The following NEB variants were observed in gnomAD, a reference collection of about 807,000 sequenced individuals.
NEB encodes the protein nebulin, also known as nemaline myopathy type 2.
Under a neutral mutation model 952.2 loss-of-function variants are expected in NEB, and 512 were observed. That is an observed-to-expected ratio of 0.54 (90% CI 0.50 to 0.58). NEB has a LOEUF of 0.58. Among genes scored for constraint, NEB ranks in the 20% least tolerant of loss-of-function variants. NEB has a pLI of 0.00. For synonymous variants in NEB, 2,900 were observed against 3,149.8 expected (o/e 0.92, Z 2.66); for missense variants, 8,428 against 9,231.1 (o/e 0.91, Z 3.56).
intron 154 of NEB, among the ~76,000 whole-genome samples, chr2:151,519,302 A>G (rs1281862509): frequency 6.6e-6 from 1 of 152,252 alleles, no homozygotes; most frequent in Non-Finnish European, 1.5e-5. Flanking sequence ...CCATAAAAGG[A>G]ATGAAGTTCT....
chr2:151,612,754 G>A (rs765959368), intron 77 of NEB, among the ~76,000 whole-genome samples: 2 of 152,214 alleles, frequency 1.3e-5, no homozygotes, highest in Non-Finnish European at 2.9e-5. Context: ...TGGCTCCTAT[G>A]TTGTTAGGCA....
chr2:151,612,496 G>T, intron 77 of NEB, 107 bp from the exon 78 acceptor site: 1 of 1,135,058 alleles, frequency 8.8e-7, no homozygotes, highest in South Asian at 1.5e-5. Flanking sequence ...TCTTATTTGT[G>T]TAAATTTCTG....
intron 3 of NEB, 82 bp from the exon 4 acceptor site, chr2:151,729,738 G>T: frequency 1.5e-6 from 2 of 1,370,150 alleles, no homozygotes; most frequent in South Asian, 2.3e-5. Context: ...CCACTTAGGT[G>T]ACTGCACTAG....
intron 160 of NEB, among the ~76,000 whole-genome samples, chr2:151,513,105 C>T (rs930466787): frequency 6.6e-6 from 1 of 152,104 alleles, no homozygotes; most frequent in Non-Finnish European, 1.5e-5. Context: ...GATAGTAAGG[C>T]ATGGATTGTT....
intron 39 of NEB, among the ~76,000 whole-genome samples, chr2:151,668,421 T>C (rs2099246889): frequency 6.6e-6 from 1 of 152,188 alleles, no homozygotes; most frequent in Admixed American, 6.5e-5. Context: ...CAGGAATGTA[T>C]AGTTGGATAT....
chr2:151,503,216 T>G, intron 166 of NEB, 133 bp downstream of exon 166: 1 of 666,710 alleles, frequency 1.5e-6, no homozygotes, highest in Non-Finnish European at 2.6e-6. Context: ...ATAATTTTGG[T>G]CAGGTAATAA....
chr2:151,570,579 T>C lies in NEB; in HGVS notation c.17036A>G (p.Asp5679Gly), dbSNP rs201734774. 1 of 1,601,442 alleles carries C rather than the reference T, an allele frequency of 6.2e-7. No individual in the cohort carries two copies. The highest frequency in any genetic ancestry group is 1.3e-5 in the African/African-American group (1 of 74,638). ...GACATCACAGCCCGCCTTCATTTCA[T>C]CCCAGCCCTCACGGTAAAGTTTCTG... The part of the protein sequence containing the change: ...VSNKLYREGW[D>G]EMKAGCDVRL... The change falls in exon 108 of 182, where the codon GAT becomes GGT. Residue 5679 changes from aspartate (D) to glycine (G), a missense_variant. Coordinates refer to ENST00000397345, the MANE Select transcript of NEB (RefSeq NM_001164508.2).
intron 14 of NEB, 37 bp downstream of exon 14, chr2:151,697,507 T>A (rs1288607172): frequency 1.9e-6 from 3 of 1,603,696 alleles, no homozygotes; most frequent in East Asian, 4.5e-5. Context: ...TAATGGGTTC[T>A]TTTTTTAACA....
At chr2:151,697,671 TTAAAG>T in intron 13 of NEB, 23 bp from the exon 14 acceptor site, 1 of 1,491,146 alleles carries the variant, frequency 6.7e-7, no homozygotes, top group Non-Finnish European at 9.2e-7. Context: ...AAAAATTCAG[TTAAAG>T]TAGATTCCTG....
chr2:151,677,576 G>T lies in NEB; in HGVS notation c.3763C>A (p.Gln1255Lys). The change falls in exon 34 of 182, where the codon CAA (glutamine) becomes AAA (lysine). Residue 1255 changes from glutamine to lysine, a missense_variant. Physicochemically the swap from Gln to Lys is moderately conservative, Grantham distance 53. This residue lies in a region of NEB where 2,851 missense variants were observed against 2,791.5 expected (regional missense o/e 1.02). Transcript: ENST00000397345. ...TTTATTGTACTCACATCACTGACTT[G>T]CTTCGTGTTCTGTTTTGCCTGGACC... Reference protein sequence around the residue: ...VMVQAKQNTKQVSDILYKAKG... With the variant: ...VMVQAKQNTKKVSDILYKAKG... The T allele has an allele frequency of 1.9e-6, 3 of 1,613,088 alleles. No individual in the cohort carries two copies. The highest frequency in any genetic ancestry group is 2.5e-6 in the Non-Finnish European group (3 of 1,179,236).
chr2:151,677,677 T>C lies in NEB; in HGVS notation c.3662A>G (p.Asp1221Gly), dbSNP rs773587392. 1.9e-5 allele frequency: 30 copies of C among 1,613,840 alleles called. No homozygotes were observed. The highest frequency in any genetic ancestry group is 2.5e-5 in the Non-Finnish European group (29 of 1,179,884). ...LDVEKVKKAG[D>G]ALNEKKYRQH... ...CCTGTACTTCTTTTCATTCAGAGCA[T>C]CACCGGCCTTTTTAACTTTTTCGAC... is the stretch of plus-strand genomic sequence containing the variant. Residue 1221 changes from aspartate to glycine, a missense_variant, in exon 34 of 182, where the codon GAT becomes GGT. Asp to Gly is a moderately conservative substitution (Grantham distance 94). This residue lies in a region of NEB where 2,851 missense variants were observed against 2,791.5 expected (regional missense o/e 1.02). Transcript: ENST00000397345.
At chr2:151,533,421 T>TCA in intron 143 of NEB, 21 bp downstream of exon 143, 1 of 1,495,614 alleles carries the variant, frequency 6.7e-7, no homozygotes, top group South Asian at 1.2e-5. Context: ...ACCTCCTTCT[T>TCA]CACATCCCAT....
chr2:151,624,927 A>G (rs573360567), intron 71 of NEB, among the ~76,000 whole-genome samples: 2 of 152,316 alleles, frequency 1.3e-5, no homozygotes, highest in East Asian at 3.9e-4. Context: ...TATTGTTCTC[A>G]GGCAATTTGA....
chr2:151,562,079 G>A (rs2096103864), intron 121 of NEB, 31 bp downstream of exon 121: 1 of 1,552,702 alleles, frequency 6.4e-7, no homozygotes, highest in South Asian at 1.1e-5. Flanking sequence ...ATGACCCATG[G>A]AGAACCAGTC....
chr2:151,651,481 G>A (rs1017419126), intron 52 of NEB, among the ~76,000 whole-genome samples: 4 of 152,122 alleles, frequency 2.6e-5, no homozygotes, highest in Non-Finnish European at 4.4e-5. Context: ...ATGTGGTTAC[G>A]TCATATAACC....
Position 151,627,629 on chromosome 2 carries a change from G to A in NEB, c.10037C>T (p.Thr3346Ile), listed in dbSNP as rs1560628791. The change falls in exon 69 of 182, where the codon ACC becomes ATC. Residue 3346 changes from threonine to isoleucine, a missense_variant. Thr to Ile is a moderately conservative substitution (Grantham distance 89). Transcript: ENST00000397345. ...LGVVLAKKCQTLVSDVDYKNY... is the reference protein window; with the variant it reads ...LGVVLAKKCQILVSDVDYKNY... Reference sequence around the variant, plus strand: ...CTTGTAGTCCACATCGCTGACTAAGGTCTGGCACTTCTTGGCTAACACCAC... The same window carrying A: ...CTTGTAGTCCACATCGCTGACTAAGATCTGGCACTTCTTGGCTAACACCAC... The A allele has an allele frequency of 6.2e-7, 1 of 1,613,860 alleles. No individual in the cohort carries two copies. The highest frequency in any genetic ancestry group is 1.7e-5 in the Admixed American group (1 of 59,992).
In NEB at chr2:151,639,346, C is replaced by A; in HGVS notation, c.8928G>T (p.Gln2976His). 6.5e-7 allele frequency: 1 copy of A among 1,546,444 alleles called. No homozygotes were observed. The change falls in exon 63 of 182, where the codon CAG becomes CAT. Residue 2976 changes from glutamine to histidine, a missense_variant. Around this residue, in one of 11 missense-constraint regions of NEB, gnomAD observed 1,772 missense variants for 1,960.3 expected, o/e 0.90. Transcript: ENST00000397345. Reference protein sequence around the residue: ...YTEAWDKDKTQIHIMPDTPEI... With the variant: ...YTEAWDKDKTHIHIMPDTPEI... ...CTGGTGTGTCTGGCATTATGTGGAT[C>A]TGAGTCTTGTCTTTGTCCCAGGCTT...
Position 151,561,219 on chromosome 2 carries a change from T to C in NEB, c.19090A>G (p.Asn6364Asp). ...ACAGGAAGACGCACCTCACTGGCAT[T>C]AATGCCACTCTGAACAGCAGTCACA... The part of the protein sequence containing the change: ...LYVTAVQSGI[N>D]ASEVKYKENY... The change falls in exon 122 of 182, where the codon AAT (asparagine) becomes GAT (aspartate). Residue 6364 changes from asparagine (N) to aspartate (D), a missense_variant. Around this residue, in one of 11 missense-constraint regions of NEB, gnomAD observed 3,374 missense variants for 3,651.5 expected, o/e 0.92. Coordinates refer to ENST00000397345, the MANE Select transcript of NEB (RefSeq NM_001164508.2). 1 of 1,607,306 alleles carries C rather than the reference T, an allele frequency of 6.2e-7. No homozygotes were observed. The highest frequency in any genetic ancestry group is 8.5e-7 in the Non-Finnish European group (1 of 1,176,146).
At chr2:151,520,437 A>G (rs1202618547) in intron 153 of NEB, among the ~76,000 whole-genome samples, 1 of 152,170 alleles carries the variant, frequency 6.6e-6, no homozygotes, top group Non-Finnish European at 1.5e-5. Context: ...CATAAAAATA[A>G]GTTTAGGTAG....
Sources: allele counts gnomAD v4.1 joint callset (sites outside exome capture counted in the v4.1 genomes callset), GRCh38; gene constraint gnomAD v4.1.1; regional missense constraint gnomAD v4.1.1; transcripts MANE v1.5; gene names NCBI Gene and HGNC (gene_info 2026-07-23, HGNC 2026-07-21).